The following CADM2 variants were observed in gnomAD, a reference collection of about 807,000 sequenced individuals.
CADM2 encodes cell adhesion molecule 2.
In CADM2, 12 loss-of-function variants were observed where a neutral mutation model predicts 49.8. That is an observed-to-expected ratio of 0.24 (90% CI 0.15 to 0.39). The LOEUF (loss-of-function observed/expected upper bound fraction) is 0.39. Among genes scored for constraint, CADM2 ranks in the 10% least tolerant of loss-of-function variants. CADM2 has a pLI of 1.00. For synonymous variants in CADM2, 214 were observed against 175.4 expected, an observed-to-expected ratio of 1.22 and a Z score of -1.74; for missense variants, 378 against 492.3, an observed-to-expected ratio of 0.77 and a Z score of 2.20.
At chr3:85,046,172 C>T (rs529506248) in intron 1 of CADM2, among the ~76,000 whole-genome samples, 3 of 152,180 alleles carry the variant, frequency 2.0e-5, no homozygotes, top group African/African-American at 7.2e-5. Flanking sequence ...ATAAGTCATA[C>T]TCATTCAATC....
chr3:85,087,928 A>G (rs962274645), intron 1 of CADM2, among the ~76,000 whole-genome samples: 6 of 152,124 alleles, frequency 3.9e-5, no homozygotes, highest in East Asian at 1.9e-4. Flanking sequence ...CTATTATTTT[A>G]TTTACTGTTA....
Position 85,373,095 on chromosome 3 carries a change from G to A in CADM2, c.62-353427G>A, listed in dbSNP as rs750302985. 9.9e-4 allele frequency among the ~76,000 whole-genome samples: 151 copies of A among 152,034 alleles called. 2 individuals carry two copies. The highest frequency in any genetic ancestry group is 2.6e-4 in the Non-Finnish European group (18 of 67,990). ...CTTCCCAAAAGTACCCCAAAGTCTC[G>A]ACTCATTTCAGCATTAACTCAAAAG... On this transcript the variant is annotated intron_variant, in intron 1 of 9. Transcript: ENST00000383699.
intron 1 of CADM2, among the ~76,000 whole-genome samples, chr3:84,980,574 C>T (rs41413246): frequency 0.11 from 16,159 of 151,984 alleles, 1,767 homozygotes; most frequent in African/African-American, 0.28. Flanking sequence ...GAAGAGCTAC[C>T]GTTTTATGTT....
intron 2 of CADM2, among the ~76,000 whole-genome samples, chr3:85,731,677 T>A (rs1170646299): frequency 6.6e-6 from 1 of 152,074 alleles, no homozygotes; most frequent in Non-Finnish European, 1.5e-5. Context: ...AATAAACACA[T>A]ACAGTATAAG....
chr3:85,695,899 C>A (rs1297951431), intron 1 of CADM2, among the ~76,000 whole-genome samples: 1 of 152,090 alleles, frequency 6.6e-6, no homozygotes, highest in East Asian at 1.9e-4. Flanking sequence ...TCCCTGTTCA[C>A]AGCACAATGC....
intron 1 of CADM2, among the ~76,000 whole-genome samples, chr3:85,166,293 A>G (rs1396322036): frequency 6.6e-6 from 1 of 151,848 alleles, no homozygotes; most frequent in African/African-American, 2.4e-5. Context: ...GTGTGGCATG[A>G]TATATATTAA....
chr3:85,707,393 C>CTTTTTTTT (rs34006416), intron 1 of CADM2, among the ~76,000 whole-genome samples: 3 of 128,664 alleles, frequency 2.3e-5, no homozygotes, highest in Non-Finnish European at 3.2e-5. Flanking sequence ...ATCATTGTAT[C>CTTTTTTTT]TTTTTTTTTT....
At chr3:85,108,901 G>T (rs1266494586) in intron 1 of CADM2, among the ~76,000 whole-genome samples, 1 of 152,012 alleles carries the variant, frequency 6.6e-6, no homozygotes, top group African/African-American at 2.4e-5. Context: ...TTTAAAGCTT[G>T]TGTTTTATTA....
intron 8 of CADM2, among the ~76,000 whole-genome samples, chr3:86,035,883 C>A (rs1735092023): frequency 6.6e-6 from 1 of 152,086 alleles, no homozygotes; most frequent in Non-Finnish European, 1.5e-5. Context: ...GATCAAGGTG[C>A]TGGCAGATTC....
rs139257494 is a variant in CADM2, at chr3:85,431,860, C to CATATGTGTATATATATATATATATATAT, written c.62-294658_62-294657insGTGTATATATATATATATATATATATAT. Among the ~76,000 whole-genome samples the CATATGTGTATATATATATATATATATAT allele has an allele frequency of 9.8e-4, 51 of 51,862 alleles. 10 individuals are homozygous for CATATGTGTATATATATATATATATATAT. The highest frequency in any genetic ancestry group is 1.4e-3 in the Non-Finnish European group (33 of 23,420). 34.0% of individuals were successfully genotyped at this position (51,862 alleles called of 152,430 possible). A position where few individuals can be genotyped will look rare whatever the true frequency, so the allele number is the denominator to read the frequency against. On this transcript the variant is annotated intron_variant, in intron 1 of 9. Transcript: ENST00000383699. ...AACACCATGGTCTTATGCTTAATTG[C>CATATGTGTATATATATATATATATATAT]ATATATATATATGCCATGCTCTTTC...
intron 2 of CADM2, among the ~76,000 whole-genome samples, chr3:85,763,018 T>C (rs1253306702): frequency 6.6e-6 from 1 of 152,160 alleles, no homozygotes; most frequent in Non-Finnish European, 1.5e-5. Flanking sequence ...ACAACAAAGC[T>C]ATAACACACA....
rs533212887 is a variant in CADM2, at chr3:85,210,932, AC to A, written c.61+251266del. ...AGGGTCTGGGCTTTTTTGCTGAGAG[AC>A]CTTTAATTATGGCCTCAATCTCATT... On this transcript the variant is annotated intron_variant, in intron 1 of 9. Transcript: ENST00000383699. 1.1e-4 allele frequency among the ~76,000 whole-genome samples: 17 copies of A among 152,106 alleles called. No individual in the cohort carries two copies. In the East Asian group the frequency reaches 3.1e-3, roughly 28 times the overall value.
intron 1 of CADM2, among the ~76,000 whole-genome samples, chr3:85,426,066 C>G (rs1049488264): frequency 1.3e-5 from 2 of 152,150 alleles, no homozygotes; most frequent in Non-Finnish European, 2.9e-5. Context: ...CCTCCCAACA[C>G]TCAGCTTTTT....
At chr3:86,019,691 G>C (rs1314786500) in intron 8 of CADM2, among the ~76,000 whole-genome samples, 9 of 152,128 alleles carry the variant, frequency 5.9e-5, no homozygotes, top group African/African-American at 1.9e-4. Context: ...TCTGTTGTTG[G>C]TGTATAAGAA....
At chr3:86,059,075 C>G (rs1289638382) in intron 8 of CADM2, among the ~76,000 whole-genome samples, 3 of 137,362 alleles carry the variant, frequency 2.2e-5, no homozygotes, top group Non-Finnish European at 4.6e-5. Context: ...GCCTGGGTGA[C>G]AGAGCGAGAC....
intron 1 of CADM2, among the ~76,000 whole-genome samples, chr3:85,165,415 A>G (rs1024626286): frequency 2.6e-5 from 4 of 151,950 alleles, no homozygotes; most frequent in African/African-American, 9.7e-5. Context: ...AAAAGGTCCC[A>G]AGCTATTTTA....
chr3:85,032,849 T>C (rs1041092128), intron 1 of CADM2, among the ~76,000 whole-genome samples: 1 of 152,286 alleles, frequency 6.6e-6, no homozygotes, highest in Non-Finnish European at 1.5e-5. Context: ...TGGCCTTCCT[T>C]CCTGCCAATT....
intron 2 of CADM2, among the ~76,000 whole-genome samples, chr3:85,752,683 T>C (rs1475160374): frequency 1.3e-5 from 2 of 152,120 alleles, no homozygotes; most frequent in African/African-American, 4.8e-5. Context: ...CATCCTAAAG[T>C]TATTGCCCAA....
chr3:85,365,023 T>C (rs1403166538), intron 1 of CADM2, among the ~76,000 whole-genome samples: 1 of 152,144 alleles, frequency 6.6e-6, no homozygotes, highest in Non-Finnish European at 1.5e-5. Context: ...CAATTAGATC[T>C]TTTATGTTCT....
Sources: gnomAD v4.1 joint callset for allele counts (sites outside exome capture counted in the v4.1 genomes callset) on GRCh38, gnomAD v4.1.1 for gene constraint, MANE v1.5 for transcripts, NCBI Gene and HGNC (gene_info 2026-07-23, HGNC 2026-07-21) for gene names.